NDST3: variants seen among roughly 807,000 people sequenced by gnomAD.
NDST3 encodes the protein bifunctional heparan sulfate N-deacetylase/N-sulfotransferase 3.
In NDST3, 58 loss-of-function variants were observed where a neutral mutation model predicts 96.1. The ratio of observed to expected loss-of-function variants is 0.60; its 90% CI spans 0.49 to 0.75. The LOEUF (loss-of-function observed/expected upper bound fraction) is 0.75. NDST3 is among the 30% of genes least tolerant of loss of function. The pLI, the probability that NDST3 is intolerant of heterozygous loss-of-function variation, is 0.00. For missense variants in NDST3, 788 were observed against 1,034.2 expected, an observed-to-expected ratio of 0.76 and a Z score of 3.27; for synonymous variants, 333 against 359.7, an observed-to-expected ratio of 0.93 and a Z score of 0.84.
At chr4:118,151,967 C>A (rs576166720) in intron 6 of NDST3, among the ~76,000 whole-genome samples, 1 of 152,200 alleles carries the variant, frequency 6.6e-6, no homozygotes, top group East Asian at 1.9e-4. Flanking sequence ...TTAGCCTGTA[C>A]GCTTGTGGTT....
At chr4:118,100,196 G>T (rs1729652420) in intron 2 of NDST3, among the ~76,000 whole-genome samples, 1 of 152,024 alleles carries the variant, frequency 6.6e-6, no homozygotes, top group Non-Finnish European at 1.5e-5. Context: ...CTGAGGGATT[G>T]AATAGAACTA....
chr4:118,180,953 C>G (rs1049076473), intron 6 of NDST3, among the ~76,000 whole-genome samples: 1 of 152,142 alleles, frequency 6.6e-6, no homozygotes, highest in Admixed American at 6.6e-5. Context: ...ACCTTTAAAA[C>G]TACAGCTCTT....
chr4:118,035,483 G>A (rs930205266), intron 1 of NDST3, among the ~76,000 whole-genome samples: 5 of 143,688 alleles, frequency 3.5e-5, no homozygotes, highest in Non-Finnish European at 7.5e-5. Context: ...ATCAACTACT[G>A]AGCAATGCTG....
chr4:118,143,764 G>C (rs1178712694), intron 6 of NDST3, 80 bp downstream of exon 6: 1 of 1,445,946 alleles, frequency 6.9e-7, no homozygotes, highest in Non-Finnish European at 9.2e-7. Context: ...GCTAGGGATT[G>C]GGCAGTCATC....
At chr4:118,208,656 A>T (rs1227618964) in intron 6 of NDST3, among the ~76,000 whole-genome samples, 1 of 144,420 alleles carries the variant, frequency 6.9e-6, no homozygotes. Flanking sequence ...AATACTTAGC[A>T]AGTGTTCATT....
chr4:118,170,807 C>T (rs1212680971), intron 6 of NDST3, among the ~76,000 whole-genome samples: 1 of 152,176 alleles, frequency 6.6e-6, no homozygotes, highest in Admixed American at 6.5e-5. Flanking sequence ...CAGATGTTCA[C>T]TCTACTAATT....
chr4:118,150,255 A>C (rs1157390435), intron 6 of NDST3, among the ~76,000 whole-genome samples: 1 of 152,228 alleles, frequency 6.6e-6, no homozygotes, highest in African/African-American at 2.4e-5. Context: ...TGGTATCAGC[A>C]TGATGCTGGC....
At chr4:118,212,503 G>A (rs1279857336) in intron 6 of NDST3, among the ~76,000 whole-genome samples, 1 of 152,156 alleles carries the variant, frequency 6.6e-6, no homozygotes, top group Non-Finnish European at 1.5e-5. Flanking sequence ...TGGAGACGTT[G>A]CACTCCAGCC....
intron 6 of NDST3, among the ~76,000 whole-genome samples, chr4:118,198,645 G>C (rs1737856759): frequency 6.6e-6 from 1 of 151,900 alleles, no homozygotes; most frequent in Non-Finnish European, 1.5e-5. Context: ...ATTACTAGTG[G>C]ATTTTGTACC....
At chr4:118,066,294 A>G (rs1362485912) in intron 2 of NDST3, among the ~76,000 whole-genome samples, 4 of 9,300 alleles carry the variant, frequency 4.3e-4, no homozygotes, top group African/African-American at 6.3e-4. Flanking sequence ...TATATATTAT[A>G]TATATTATGT....
chr4:118,224,915 G>T (rs954643226), intron 7 of NDST3, among the ~76,000 whole-genome samples: 1 of 152,278 alleles, frequency 6.6e-6, no homozygotes, highest in East Asian at 1.9e-4. Flanking sequence ...CAGATTCAAT[G>T]AATATAACGT....
chr4:118,040,845 TTATATATATATTTATATATTTTTATA>T (rs1259785106), intron 1 of NDST3, among the ~76,000 whole-genome samples: 116 of 137,932 alleles, frequency 8.4e-4, no homozygotes, highest in Admixed American at 1.0e-3. Flanking sequence ...TCCAACTAAT[TTATATATATATTTATATATTTTTATA>T]TATATATATA....
intron 6 of NDST3, among the ~76,000 whole-genome samples, chr4:118,192,713 GT>G (rs200456098): frequency 0.12 from 17,078 of 144,742 alleles, 1,278 homozygotes; most frequent in South Asian, 0.2. Context: ...TTTTTTGTGG[GT>G]TTTTTTTTTT....
chr4:118,089,222 C>T (rs1167836641), intron 2 of NDST3, among the ~76,000 whole-genome samples: 3 of 151,680 alleles, frequency 2.0e-5, no homozygotes, highest in African/African-American at 7.3e-5. Context: ...TCCTCTCTTC[C>T]TTAGTAATAG....
chr4:118,113,735 T>C (rs1294126970), intron 3 of NDST3, among the ~76,000 whole-genome samples: 2 of 152,048 alleles, frequency 1.3e-5, no homozygotes, highest in Admixed American at 6.5e-5. Flanking sequence ...ATTGAAAATA[T>C]GGGAGGAGAT....
chr4:118,115,967 C>T (rs1731051372), intron 4 of NDST3, among the ~76,000 whole-genome samples: 1 of 152,050 alleles, frequency 6.6e-6, no homozygotes, highest in Admixed American at 6.5e-5. Flanking sequence ...GATATTTTGT[C>T]AAGAAAGCAA....
At chr4:118,173,815 G>A (rs548173633) in intron 6 of NDST3, among the ~76,000 whole-genome samples, 1 of 152,242 alleles carries the variant, frequency 6.6e-6, no homozygotes, top group South Asian at 2.1e-4. Flanking sequence ...GCTTGATGAA[G>A]TTTTGTTCAT....
chr4:118,093,928 C>T (rs1254926924), intron 2 of NDST3, among the ~76,000 whole-genome samples: 3 of 151,804 alleles, frequency 2.0e-5, no homozygotes, highest in African/African-American at 2.4e-5. Context: ...CAAAATGGAA[C>T]CTTGTTGCTG....
chr4:118,114,784 G>A, intron 3 of NDST3, 22 bp from the exon 4 acceptor site: 1 of 1,519,228 alleles, frequency 6.6e-7, no homozygotes, highest in Non-Finnish European at 8.9e-7. Context: ...GAATTAATTG[G>A]ATAATATTTC....
Sources: gnomAD v4.1 joint callset for allele counts (sites outside exome capture counted in the v4.1 genomes callset) on GRCh38, gnomAD v4.1.1 for gene constraint, MANE v1.5 for transcripts, NCBI Gene and HGNC (gene_info 2026-07-23, HGNC 2026-07-21) for gene names.